Variants in MYO3B observed in about 807,000 individuals in gnomAD.
MYO3B encodes the protein myosin IIIB.
MYO3B carries 156 observed loss-of-function variants against 174.6 expected under a neutral mutation model. The observed-to-expected ratio is 0.89, with a 90% CI of 0.78 to 1.02. MYO3B has a LOEUF of 1.02. Among genes scored for constraint, MYO3B ranks in the 50% least tolerant of loss-of-function variants. The probability of loss-of-function intolerance (pLI) is 0.00; values close to 1 mark genes in which losing one functional copy is unlikely to be tolerated. For synonymous variants in MYO3B, 563 were observed against 569.1 expected (o/e 0.99, Z 0.15); for missense variants, 1,632 against 1,639.4 (o/e 1.00, Z 0.08).
At chr2:170,188,225 T>C (rs2092491715) in intron 1 of MYO3B, among the ~76,000 whole-genome samples, 1 of 152,194 alleles carries the variant, frequency 6.6e-6, no homozygotes, top group African/African-American at 2.4e-5. Context: ...TCTCTTTGTA[T>C]AGTTTTTGTC....
At chr2:170,454,684 G>A (rs1381619936) in intron 23 of MYO3B, among the ~76,000 whole-genome samples, 1 of 152,194 alleles carries the variant, frequency 6.6e-6, no homozygotes, top group Non-Finnish European at 1.5e-5. Context: ...CCCCAAATTT[G>A]TAACCACCTA....
chr2:170,181,099 C>T (rs930928238), intron 1 of MYO3B, among the ~76,000 whole-genome samples: 1 of 152,058 alleles, frequency 6.6e-6, no homozygotes, highest in African/African-American at 2.4e-5. Context: ...GTATGTCTAT[C>T]TACTTCAAGT....
chr2:170,326,684 G>C (rs906496986), intron 7 of MYO3B, among the ~76,000 whole-genome samples: 1 of 152,194 alleles, frequency 6.6e-6, no homozygotes. Flanking sequence ...TGCGTAAGGA[G>C]AGTACAGTAG....
chr2:170,521,212 C>T (rs760524789), intron 30 of MYO3B, among the ~76,000 whole-genome samples: 20 of 152,122 alleles, frequency 1.3e-4, no homozygotes, highest in Admixed American at 2.0e-4. Context: ...CATTGGGCTT[C>T]TTTTAAAGTA....
intron 32 of MYO3B, among the ~76,000 whole-genome samples, chr2:170,572,248 T>C (rs1404716511): frequency 1.3e-5 from 2 of 151,852 alleles, no homozygotes; most frequent in Non-Finnish European, 2.9e-5. Flanking sequence ...ACCAACATGG[T>C]GAAACCCCGT....
At chr2:170,361,467 C>T (rs1384785113) in intron 8 of MYO3B, among the ~76,000 whole-genome samples, 1 of 152,230 alleles carries the variant, frequency 6.6e-6, no homozygotes, top group Non-Finnish European at 1.5e-5. Context: ...TGCCTTAATT[C>T]TCGGACACAA....
intron 16 of MYO3B, among the ~76,000 whole-genome samples, chr2:170,392,939 C>T (rs1029771649): frequency 4.0e-5 from 6 of 151,338 alleles, no homozygotes; most frequent in African/African-American, 1.5e-4. Context: ...GTAGATGACA[C>T]CCAAGTCACA....
chr2:170,204,488 G>A (rs989544509), intron 3 of MYO3B, among the ~76,000 whole-genome samples: 1 of 152,170 alleles, frequency 6.6e-6, no homozygotes, highest in Non-Finnish European at 1.5e-5. Flanking sequence ...GAAAGTTGAT[G>A]GCTTATTGAG....
At chr2:170,606,364 G>T (rs1053052724) in intron 32 of MYO3B, among the ~76,000 whole-genome samples, 1 of 152,292 alleles carries the variant, frequency 6.6e-6, no homozygotes, top group South Asian at 2.1e-4. Flanking sequence ...ACATGGAGAT[G>T]CCATTTGCAT....
intron 23 of MYO3B, among the ~76,000 whole-genome samples, chr2:170,447,627 G>C (rs1683305197): frequency 1.3e-5 from 2 of 152,208 alleles, no homozygotes; most frequent in African/African-American, 4.8e-5. Flanking sequence ...ACCACATCGG[G>C]TGGTGTAACC....
intron 29 of MYO3B, among the ~76,000 whole-genome samples, chr2:170,516,081 A>T (rs1688288278): frequency 6.6e-6 from 1 of 152,168 alleles, no homozygotes; most frequent in South Asian, 2.1e-4. Flanking sequence ...GAAGTCACAA[A>T]TAGGAGATCC....
intron 32 of MYO3B, among the ~76,000 whole-genome samples, chr2:170,619,883 A>G (rs1695767730): frequency 1.3e-5 from 2 of 151,098 alleles, no homozygotes; most frequent in South Asian, 4.2e-4. Flanking sequence ...AGTAGCTGGG[A>G]TTACAGGCAT....
At chr2:170,182,959 T>TAA (rs1388853236) in intron 1 of MYO3B, among the ~76,000 whole-genome samples, 1 of 146,840 alleles carries the variant, frequency 6.8e-6, no homozygotes, top group Non-Finnish European at 1.5e-5. Flanking sequence ...GTCAAATTCT[T>TAA]AAAAAAAAAC....
intron 8 of MYO3B, among the ~76,000 whole-genome samples, chr2:170,345,929 G>C (rs191583087): frequency 8.7e-4 from 133 of 152,038 alleles, no homozygotes; most frequent in African/African-American, 2.9e-3. Context: ...TCCTTCCCTA[G>C]TACTTCCAGA....
In MYO3B at chr2:170,651,742, C is replaced by A; in HGVS notation, c.3840+8C>A. Reference sequence around the variant, plus strand: ...TACTATAACCAGTTAAATGTGAGTTCAAAGTGGCCGTAAAGCTGTTTCACT... The same window carrying A: ...TACTATAACCAGTTAAATGTGAGTTAAAAGTGGCCGTAAAGCTGTTTCACT... On this transcript the variant is annotated splice_region_variant and intron_variant, in intron 33 of 34. Transcript: ENST00000408978. The A allele has an allele frequency of 1.2e-6, 2 of 1,608,288 alleles. No homozygotes were observed. Among genetic ancestry groups the A allele is most frequent in the South Asian group, 2.2e-5 (2 of 90,904 alleles).
intron 8 of MYO3B, among the ~76,000 whole-genome samples, chr2:170,359,395 C>T (rs528266723): frequency 6.6e-6 from 1 of 152,008 alleles, no homozygotes; most frequent in East Asian, 1.9e-4. Context: ...TGAATTCACT[C>T]CTTCCCTCTA....
intron 30 of MYO3B, among the ~76,000 whole-genome samples, chr2:170,537,126 G>A (rs1159674197): frequency 6.7e-6 from 1 of 150,142 alleles, no homozygotes; most frequent in Non-Finnish European, 1.5e-5. Flanking sequence ...GCTTGAACCT[G>A]GAGGGTGGAT....
chr2:170,640,099 G>A (rs567364241), intron 32 of MYO3B, among the ~76,000 whole-genome samples: 1 of 152,178 alleles, frequency 6.6e-6, no homozygotes, highest in Non-Finnish European at 1.5e-5. Flanking sequence ...TAAGTCCATG[G>A]TTTTTCCAAC....
intron 1 of MYO3B, among the ~76,000 whole-genome samples, chr2:170,183,583 T>A (rs886064458): frequency 1.3e-5 from 2 of 152,310 alleles, no homozygotes; most frequent in Admixed American, 1.3e-4. Context: ...CAACTTAATT[T>A]TTTTCATTGT....
Sources: gnomAD v4.1 joint callset for allele counts (sites outside exome capture counted in the v4.1 genomes callset) on GRCh38, gnomAD v4.1.1 for gene constraint, MANE v1.5 for transcripts, NCBI Gene and HGNC (gene_info 2026-07-23, HGNC 2026-07-21) for gene names.